The following ST6GALNAC5 variants were observed in gnomAD, a reference collection of about 807,000 sequenced individuals.
ST6GALNAC5 encodes the protein ST6 N-acetylgalactosaminide alpha-2,6-sialyltransferase 5, also known as alpha-N-acetylgalactosaminide alpha-2,6-sialyltransferase 5.
Under a neutral mutation model 33.6 loss-of-function variants are expected in ST6GALNAC5, and 27 were observed. The ratio of observed to expected loss-of-function variants is 0.80; its 90% CI spans 0.59 to 1.11. The LOEUF (loss-of-function observed/expected upper bound fraction) is 1.11, where lower values mean the gene tolerates loss of function less well. ST6GALNAC5 is among the 50% of genes least tolerant of loss of function. ST6GALNAC5 has a pLI of 0.00. For synonymous variants in ST6GALNAC5, 194 were observed against 171.2 expected (o/e 1.13, Z -1.04); for missense variants, 428 against 454.0 (o/e 0.94, Z 0.52).
intron 2 of ST6GALNAC5, among the ~76,000 whole-genome samples, chr1:76,922,228 T>C (rs1647041110): frequency 6.6e-6 from 1 of 152,106 alleles, no homozygotes; most frequent in South Asian, 2.1e-4. Flanking sequence ...GATGAACATG[T>C]GGAAATAGAA....
rs556160380 is a variant in ST6GALNAC5, at chr1:77,065,527, T to C, written c.*2321T>C. On this transcript the variant is annotated 3_prime_UTR_variant, in exon 5 of 5. Transcript: ENST00000477717. ...ATATTTTTTAAAAATGTGGTGTAAATAAGTGTAAAAAATTACCACTTGCAA... is the reference window on the plus strand; with the variant it reads ...ATATTTTTTAAAAATGTGGTGTAAACAAGTGTAAAAAATTACCACTTGCAA... 15 of 152,196 alleles carry C rather than the reference T, an allele frequency of 9.9e-5. No homozygotes were observed. The highest frequency in any genetic ancestry group is 2.6e-4 in the Admixed American group (4 of 15,280). The allele number at this position is 152,196 out of a possible 1,614,324, so 9.4% of individuals were successfully genotyped here. A position where few individuals can be genotyped will look rare whatever the true frequency, so the allele number is the denominator to read the frequency against.
intron 2 of ST6GALNAC5, among the ~76,000 whole-genome samples, chr1:76,921,611 T>C (rs1647035355): frequency 6.6e-6 from 1 of 152,124 alleles, no homozygotes; most frequent in Non-Finnish European, 1.5e-5. Context: ...AGACCAATTC[T>C]TTAGAAATTA....
chr1:76,967,886 G>A lies in ST6GALNAC5; in HGVS notation c.262-76318G>A, dbSNP rs563759306. On this transcript the variant is annotated intron_variant, in intron 2 of 4. Coordinates refer to ENST00000477717, the MANE Select transcript of ST6GALNAC5 (RefSeq NM_030965.3). ...GGTTGTTCAGTTTCCATGTAGTTGT[G>A]CGGTTTTGAGTGAATTTCTTAATCC... is the stretch of plus-strand genomic sequence containing the variant. 3.7e-4 allele frequency among the ~76,000 whole-genome samples: 57 copies of A among 152,280 alleles called. 1 individual carries two copies. The highest frequency in any genetic ancestry group is 1.3e-3 in the African/African-American group (53 of 41,548).
In ST6GALNAC5 at chr1:76,941,352, A is replaced by T. The variant is rs141271443; in HGVS notation, c.261+72610A>T. Among the ~76,000 whole-genome samples, 80 of 152,218 alleles carry T rather than the reference A, an allele frequency of 5.3e-4. 1 individual carries two copies. The highest frequency in any genetic ancestry group is 1.9e-3 in the African/African-American group (79 of 41,564). On this transcript the variant is annotated intron_variant, in intron 2 of 4. Transcript: ENST00000477717. ...TTTCTCCTGCTGAGGAGTTCACATT[A>T]TCACTTCATCATTGATTGTTTTTGT...
Position 77,067,130 on chromosome 1 carries a change from C to T in ST6GALNAC5, c.*3924C>T, listed in dbSNP as rs1360641737. 1.3e-5 allele frequency among the ~76,000 whole-genome samples: 2 copies of T among 149,452 alleles called. No individual in the cohort carries two copies. Among genetic ancestry groups the T allele is most frequent in the African/African-American group, 2.5e-5 (1 of 39,890 alleles). On this transcript the variant is annotated 3_prime_UTR_variant, in exon 5 of 5. Transcript: ENST00000477717. ...AGTGGCTCACCCTATCAGAAGGCCA[C>T]GTCAAAGAGAACTATAATAATAAGC...
Position 77,067,481 on chromosome 1 carries a change from C to T in ST6GALNAC5, c.*4275C>T, listed in dbSNP as rs1048242677. ...TTCTCCTTTGTCTCTGCAGCCTATA[C>T]CTAGTATAGTGCCTTGCACACAATA... On this transcript the variant is annotated 3_prime_UTR_variant, in exon 5 of 5. Coordinates refer to ENST00000477717, the MANE Select transcript of ST6GALNAC5 (RefSeq NM_030965.3). 2.1e-4 allele frequency among the ~76,000 whole-genome samples: 32 copies of T among 152,188 alleles called. No individual in the cohort carries two copies. Among genetic ancestry groups the T allele is most frequent in the African/African-American group, 7.5e-4 (31 of 41,438 alleles).
intron 2 of ST6GALNAC5, among the ~76,000 whole-genome samples, chr1:77,020,913 C>T (rs1384409452): frequency 6.6e-6 from 1 of 152,194 alleles, no homozygotes; most frequent in Non-Finnish European, 1.5e-5. Flanking sequence ...TACAGATGTC[C>T]TCTTGTTGTT....
chr1:77,003,848 T>C (rs956022014), intron 2 of ST6GALNAC5, among the ~76,000 whole-genome samples: 2 of 148,874 alleles, frequency 1.3e-5, no homozygotes, highest in African/African-American at 2.5e-5. Context: ...GTAGGGTTTC[T>C]GCCGAGAGAT....
intron 2 of ST6GALNAC5, among the ~76,000 whole-genome samples, chr1:77,021,791 C>G (rs1470237860): frequency 6.6e-6 from 1 of 151,476 alleles, no homozygotes; most frequent in Non-Finnish European, 1.5e-5. Context: ...ACTAATCTTC[C>G]TCATGGGACA....
At chr1:76,869,107 T>C (rs960238158) in intron 2 of ST6GALNAC5, 1 of 221,566 alleles carries the variant, frequency 4.5e-6, no homozygotes. Context: ...GAAACTGGGG[T>C]TGGCGCGGGT....
At chr1:76,991,509 C>T (rs1257550504) in intron 2 of ST6GALNAC5, among the ~76,000 whole-genome samples, 1 of 152,182 alleles carries the variant, frequency 6.6e-6, no homozygotes, top group African/African-American at 2.4e-5. Context: ...CCCCTGACCA[C>T]TTCTCATTCA....
At chr1:77,015,112 C>CTTATGCAAT (rs1243847088) in intron 2 of ST6GALNAC5, among the ~76,000 whole-genome samples, 4 of 151,108 alleles carry the variant, frequency 2.6e-5, no homozygotes, top group African/African-American at 9.8e-5. Context: ...GAGAAGTTGG[C>CTTATGCAAT]TTATGCAATT....
At chr1:76,966,330 T>C (rs1325108458) in intron 2 of ST6GALNAC5, among the ~76,000 whole-genome samples, 1 of 152,174 alleles carries the variant, frequency 6.6e-6, no homozygotes, top group Non-Finnish European at 1.5e-5. Context: ...CCCTTGTAAG[T>C]TGGATTTCTA....
intron 2 of ST6GALNAC5, among the ~76,000 whole-genome samples, chr1:76,888,992 T>A (rs1224266430): frequency 6.6e-6 from 1 of 152,118 alleles, no homozygotes; most frequent in East Asian, 1.9e-4. Flanking sequence ...CACTGTGATG[T>A]ACAATAGGTC....
intron 2 of ST6GALNAC5, among the ~76,000 whole-genome samples, chr1:76,946,011 A>G (rs755690690): frequency 2.6e-5 from 4 of 152,142 alleles, no homozygotes; most frequent in Non-Finnish European, 5.9e-5. Context: ...TCCTTAGCAT[A>G]CAGAAATGAT....
At chr1:77,057,914 C>T (rs1237611053) in intron 4 of ST6GALNAC5, among the ~76,000 whole-genome samples, 1 of 152,062 alleles carries the variant, frequency 6.6e-6, no homozygotes, top group Non-Finnish European at 1.5e-5. Flanking sequence ...CATTACAAAC[C>T]CCTGTTGCCA....
intron 2 of ST6GALNAC5, among the ~76,000 whole-genome samples, chr1:77,026,340 G>A (rs955884357): frequency 3.3e-5 from 5 of 152,122 alleles, no homozygotes; most frequent in African/African-American, 9.7e-5. Flanking sequence ...CACCTATCCT[G>A]CTGTCTCCAT....
chr1:77,065,145 A>T lies in ST6GALNAC5; in HGVS notation c.*1939A>T, dbSNP rs1209409900. On this transcript the variant is annotated 3_prime_UTR_variant, in exon 5 of 5. Coordinates refer to ENST00000477717, the MANE Select transcript of ST6GALNAC5 (RefSeq NM_030965.3). ...ACACATCATACTTTATCAACATATGAAAAAGTGTATTAATTTTATACAATT... is the reference window on the plus strand; with the variant it reads ...ACACATCATACTTTATCAACATATGTAAAAGTGTATTAATTTTATACAATT... 6.6e-6 allele frequency: 1 copy of T among 152,224 alleles called. No homozygotes were observed. Among genetic ancestry groups the T allele is most frequent in the Non-Finnish European group, 1.5e-5 (1 of 68,028 alleles). The allele number at this position is 152,224 out of a possible 1,614,324, so 9.4% of individuals were successfully genotyped here.
At chr1:77,007,034 G>GC (rs759255740) in intron 2 of ST6GALNAC5, among the ~76,000 whole-genome samples, 4 of 152,204 alleles carry the variant, frequency 2.6e-5, no homozygotes, top group Non-Finnish European at 5.9e-5. Flanking sequence ...CAGTGCATAA[G>GC]CTCTTTTCAA....
Sources: gnomAD v4.1 joint callset for allele counts (sites outside exome capture counted in the v4.1 genomes callset) on GRCh38, gnomAD v4.1.1 for gene constraint, MANE v1.5 for transcripts, NCBI Gene and HGNC (gene_info 2026-07-23, HGNC 2026-07-21) for gene names.